TENM3: variants seen among roughly 807,000 people sequenced by gnomAD.
The protein encoded by TENM3 is teneurin transmembrane protein 3, also known as teneurin-3.
A neutral mutation model predicts 255.1 loss-of-function variants in TENM3; 63 were observed. That is an observed-to-expected ratio of 0.25 (90% CI 0.20 to 0.30). The LOEUF is 0.30. TENM3 is among the 10% of genes least tolerant of loss of function. The probability of loss-of-function intolerance (pLI) is 1.00; values close to 1 mark genes in which losing one functional copy is unlikely to be tolerated. For synonymous variants in TENM3, 1,306 were observed against 1,322.3 expected, an observed-to-expected ratio of 0.99 and a Z score of 0.27; for missense variants, 2,929 against 3,461.1, an observed-to-expected ratio of 0.85 and a Z score of 3.86.
At chr4:182,238,591 C>T (rs1757034916), upstream of TENM3, among the ~76,000 whole-genome samples, 1 of 152,120 alleles carries the variant, frequency 6.6e-6, no homozygotes, top group African/African-American at 2.4e-5. Context: ...AGATGAGTCT[C>T]TTAGGACCTG....
chr4:182,494,987 C>G (rs1735643307), intron 3 of TENM3, among the ~76,000 whole-genome samples: 1 of 152,190 alleles, frequency 6.6e-6, no homozygotes, highest in South Asian at 2.1e-4. Flanking sequence ...ATTACAGCAG[C>G]ATCTTTGGAG....
At chr4:182,629,204 G>A (rs372365471) in intron 5 of TENM3, among the ~76,000 whole-genome samples, 4 of 152,024 alleles carry the variant, frequency 2.6e-5, no homozygotes, top group African/African-American at 7.2e-5. Context: ...TAATTCATGC[G>A]CTTGCAGTAA....
At chr4:181,551,864 GTGTGTGTGTGTGTGTGTGTGTGTGTA>G in the TENM3 span, among the ~76,000 whole-genome samples, 13 of 104,370 alleles carry the variant, frequency 1.2e-4, no homozygotes, top group Admixed American at 3.7e-4. Flanking sequence ...GTGTGTGTGT[GTGTGTGTGTGTGTGTGTGTGTGTGTA>G]TATAAATTTT....
chr4:182,175,903 G>T (rs1752455749), intron 1 of TENM3, among the ~76,000 whole-genome samples: 1 of 151,976 alleles, frequency 6.6e-6, no homozygotes, highest in East Asian at 1.9e-4. Flanking sequence ...CAATTGGAAT[G>T]ACACCCCCGC....
At chr4:182,160,363 G>C (rs1751059261) in intron 1 of TENM3, among the ~76,000 whole-genome samples, 1 of 152,110 alleles carries the variant, frequency 6.6e-6, no homozygotes, top group Admixed American at 6.6e-5. Flanking sequence ...ATTACGGTTA[G>C]AATGACCTAA....
At chr4:181,585,442 A>C in the TENM3 span, among the ~76,000 whole-genome samples, 1 of 152,210 alleles carries the variant, frequency 6.6e-6, no homozygotes, top group Non-Finnish European at 1.5e-5. Flanking sequence ...AAGAAAATTC[A>C]CTGAACTACT....
rs761799813 is a variant in TENM3 at position 182,754,494 on chromosome 4, T to C, written c.4127T>C (p.Ile1376Thr). Reference protein sequence around the residue: ...LQITENRQVRIAAGRPMHCQV... With the variant: ...LQITENRQVRTAAGRPMHCQV... The stretch of plus-strand genomic sequence containing the variant: ...ATCACTGAAAATCGTCAAGTTCGCA[T>C]TGCTGCTGGACGGCCCATGCACTGT... Residue 1376 changes from isoleucine to threonine, a missense_variant, in exon 22 of 28, where the codon ATT (isoleucine) becomes ACT (threonine). Ile to Thr is a moderately conservative substitution (Grantham distance 89, BLOSUM62 -1). Around this residue, in one of 6 missense-constraint regions of TENM3, gnomAD observed 1,608 missense variants for 1,884.4 expected, o/e 0.85. Transcript: ENST00000511685. The surrounding 1 kb of genome is among the most constrained non-coding windows in gnomAD (Gnocchi z 5.1). The C allele has an allele frequency of 1.9e-6, 3 of 1,613,796 alleles. No homozygotes were observed. The highest frequency in any genetic ancestry group is 2.2e-5 in the East Asian group (1 of 44,888).
chr4:181,660,604 A>G, the TENM3 span, among the ~76,000 whole-genome samples: 2 of 152,208 alleles, frequency 1.3e-5, no homozygotes. Flanking sequence ...TAAAAAGAAA[A>G]TAAAGCAGCT....
the TENM3 span, among the ~76,000 whole-genome samples, chr4:181,516,725 G>A: frequency 1.2e-4 from 18 of 151,916 alleles, no homozygotes; most frequent in East Asian, 3.9e-4. Context: ...GCAGTCAGCC[G>A]AGATTGCACC....
the TENM3 span, among the ~76,000 whole-genome samples, chr4:182,019,310 C>T: frequency 0.015 from 2,351 of 152,274 alleles, 57 homozygotes; most frequent in African/African-American, 0.053. Flanking sequence ...CTGCCACCAG[C>T]TTGTGGCCTG....
At chr4:182,213,828 G>T (rs1166523925) in intron 1 of TENM3, among the ~76,000 whole-genome samples, 1 of 152,096 alleles carries the variant, frequency 6.6e-6, no homozygotes, top group South Asian at 2.1e-4. Context: ...TTGAGACAGA[G>T]TCTCCCTCTG....
intron 1 of TENM3, among the ~76,000 whole-genome samples, chr4:182,313,591 T>C (rs1762573734): frequency 6.6e-6 from 1 of 152,158 alleles, no homozygotes; most frequent in Non-Finnish European, 1.5e-5. Flanking sequence ...GGAGGGCAAT[T>C]ATTATTTTTT....
At chr4:182,095,744 A>T in the TENM3 span, among the ~76,000 whole-genome samples, 1 of 152,178 alleles carries the variant, frequency 6.6e-6, no homozygotes, top group Non-Finnish European at 1.5e-5. Flanking sequence ...AAACAAAAAA[A>T]ATATAAATTC....
the TENM3 span, among the ~76,000 whole-genome samples, chr4:181,987,774 A>G: frequency 1.3e-5 from 2 of 151,224 alleles, no homozygotes; most frequent in South Asian, 2.1e-4. Context: ...AAAATTATAT[A>G]TACATATAGA....
chr4:182,604,208 C>T (rs1748191393), intron 4 of TENM3, among the ~76,000 whole-genome samples: 1 of 152,142 alleles, frequency 6.6e-6, no homozygotes, highest in South Asian at 2.1e-4. Flanking sequence ...ACTGTACATT[C>T]CCACTCAGTG....
chr4:181,469,089 G>A, the TENM3 span, among the ~76,000 whole-genome samples: 1 of 152,002 alleles, frequency 6.6e-6, no homozygotes, highest in African/African-American at 2.4e-5. Flanking sequence ...TTTTTTGATC[G>A]AGTGGCTTTA....
At chr4:182,262,721 T>C (rs1156466357) in intron 1 of TENM3, among the ~76,000 whole-genome samples, 1 of 72,464 alleles carries the variant, frequency 1.4e-5, no homozygotes, top group African/African-American at 5.6e-5. Flanking sequence ...CTTTACTTTC[T>C]TTTTTTTTTT....
chr4:182,047,818 A>G, the TENM3 span, among the ~76,000 whole-genome samples: 1 of 152,210 alleles, frequency 6.6e-6, no homozygotes, highest in East Asian at 1.9e-4. Context: ...AGGTGCTTTC[A>G]GATCTTTTGA....
the TENM3 span, among the ~76,000 whole-genome samples, chr4:182,122,980 T>A: frequency 6.6e-6 from 1 of 152,122 alleles, no homozygotes; most frequent in Non-Finnish European, 1.5e-5. Flanking sequence ...GGTACTTCTA[T>A]GTCATGGAAG....
Sources: allele counts gnomAD v4.1 joint callset (sites outside exome capture counted in the v4.1 genomes callset), GRCh38; gene constraint gnomAD v4.1.1; regional missense constraint gnomAD v4.1.1; non-coding constraint Gnocchi (gnomAD v3.1); transcripts MANE v1.5; gene names NCBI Gene and HGNC (gene_info 2026-07-23, HGNC 2026-07-21).